The following KIF2A variants were observed in gnomAD, a reference collection of about 807,000 sequenced individuals.
KIF2A encodes the protein kinesin-like protein KIF2A.
In KIF2A, 22 loss-of-function variants were observed where a neutral mutation model predicts 100.2. That is an observed-to-expected ratio of 0.22 (90% CI 0.16 to 0.31). The LOEUF (loss-of-function observed/expected upper bound fraction) is 0.31. KIF2A is among the 10% of genes least tolerant of loss of function. KIF2A has a pLI of 1.00. For synonymous variants in KIF2A, 268 were observed against 285.9 expected, an observed-to-expected ratio of 0.94 and a Z score of 0.63; for missense variants, 495 against 898.7, an observed-to-expected ratio of 0.55 and a Z score of 5.74.
intron 20 of KIF2A, among the ~76,000 whole-genome samples, chr5:62,384,969 C>A (rs2112017621): frequency 6.6e-6 from 1 of 152,130 alleles, no homozygotes; most frequent in African/African-American, 2.4e-5. Flanking sequence ...ATGGTAAAAC[C>A]CCGTATCTAC....
chr5:62,335,748 A>G (rs1746910836), intron 1 of KIF2A, among the ~76,000 whole-genome samples: 1 of 152,326 alleles, frequency 6.6e-6, no homozygotes, highest in Admixed American at 6.5e-5. Flanking sequence ...TTTAATAAAA[A>G]ATTGAGAAAA....
At position 62,390,626 on chromosome 5, in the gene KIF2A, C is replaced by T. The variant is rs111269197; in HGVS notation, c.*5057C>T. Among the ~76,000 whole-genome samples the T allele has an allele frequency of 2.8e-4, 42 of 152,290 alleles. No individual in the cohort carries two copies. Among genetic ancestry groups the T allele is most frequent in the African/African-American group, 9.9e-4 (41 of 41,570 alleles). ...CCTGCACACCACATTGGAACCTGCA[C>T]ACCACATTAACACAAAGGCAATCTT... On this transcript the variant is annotated 3_prime_UTR_variant, in exon 21 of 21. Transcript: ENST00000407818.
At chr5:62,345,817 C>T (rs181493787) in intron 1 of KIF2A, among the ~76,000 whole-genome samples, 1 of 151,832 alleles carries the variant, frequency 6.6e-6, no homozygotes, top group South Asian at 2.1e-4. Context: ...TATAGATGCC[C>T]CCAAGGATTT....
chr5:62,380,048 C>T (rs4289514), intron 19 of KIF2A, among the ~76,000 whole-genome samples: 7,887 of 152,172 alleles, frequency 0.052, 285 homozygotes, highest in East Asian at 0.13. Context: ...TGTGCCATCA[C>T]GCCTGGCTAA....
At chr5:62,314,182 A>G (rs1291735235) in intron 1 of KIF2A, among the ~76,000 whole-genome samples, 1 of 151,980 alleles carries the variant, frequency 6.6e-6, no homozygotes, top group Non-Finnish European at 1.5e-5. Context: ...GTAAATAGAG[A>G]CTGGCTCGGT....
At chr5:62,328,779 A>C (rs1214063240) in intron 1 of KIF2A, among the ~76,000 whole-genome samples, 18 of 152,294 alleles carry the variant, frequency 1.2e-4, no homozygotes, top group South Asian at 2.1e-4. Flanking sequence ...GGCGTGAGCC[A>C]CCGTGCCCGG....
chr5:62,356,876 C>T (rs1379723135), intron 7 of KIF2A, among the ~76,000 whole-genome samples: 2 of 151,466 alleles, frequency 1.3e-5, no homozygotes, highest in Non-Finnish European at 2.9e-5. Flanking sequence ...ACCTCCACCT[C>T]CAGGGTTCAG....
chr5:62,348,127 C>A lies in KIF2A; in HGVS notation c.239C>A (p.Pro80Gln), dbSNP rs571500254. The A allele has an allele frequency of 6.2e-7, 1 of 1,613,828 alleles. No individual in the cohort carries two copies. Among genetic ancestry groups the A allele is most frequent in the South Asian group, 1.1e-5 (1 of 91,078 alleles). The part of the protein sequence containing the change: ...EEIEPSPETP[P>Q]PPASSAKVNK... ...ATTGAACCCAGTCCAGAAACACCTC[C>A]ACCTCCAGCATCCTCAGCCAAAGTA... Residue 80 changes from proline (P) to glutamine (Q), a missense_variant, in exon 3 of 21, where the codon CCA becomes CAA. Physicochemically the swap from Pro to Gln is moderately conservative, Grantham distance 76 (BLOSUM62 -1). Transcript: ENST00000407818.
At position 62,381,318 on chromosome 5, in the gene KIF2A, G is replaced by T. The variant is rs1204784827; in HGVS notation, c.2149+65G>T. The T allele has an allele frequency of 1.0e-5, 14 of 1,341,364 alleles. No individual in the cohort carries two copies. In the African/African-American group the frequency reaches 1.7e-4, roughly 17 times the overall value. The allele number at this position is 1,341,364 out of a possible 1,614,324, so 83.1% of individuals were successfully genotyped here. On this transcript the variant is annotated intron_variant, in intron 20 of 20. Transcript: ENST00000407818. ...TATTGGTATGTATATTGGTGAGAGGGCTTCTTCGTATTGCAAGAGGACATA... is the reference window on the plus strand; with the variant it reads ...TATTGGTATGTATATTGGTGAGAGGTCTTCTTCGTATTGCAAGAGGACATA...
chr5:62,377,788 AAAAT>A, intron 19 of KIF2A, 26 bp downstream of exon 19: 3 of 1,171,288 alleles, frequency 2.6e-6, no homozygotes, highest in Non-Finnish European at 3.7e-6. Context: ...ACTTTCCTTC[AAAAT>A]ATTTCTTGAG....
chr5:62,359,110 T>A (rs1474486027), intron 9 of KIF2A, among the ~76,000 whole-genome samples: 2 of 152,230 alleles, frequency 1.3e-5, no homozygotes, highest in African/African-American at 4.8e-5. Context: ...GTACATGAGA[T>A]TCTTGTATGT....
intron 1 of KIF2A, among the ~76,000 whole-genome samples, chr5:62,311,622 C>T (rs897814887): frequency 1.3e-5 from 2 of 152,096 alleles, no homozygotes; most frequent in Admixed American, 6.5e-5. Flanking sequence ...TTACACGTCA[C>T]TATATAGGCT....
rs570608250 is a variant in KIF2A, at chr5:62,387,413, A to ATGAT, written c.*1846_*1849dup. 3.0e-3 allele frequency: 456 copies of ATGAT among 152,290 alleles called. 3 individuals are homozygous for ATGAT. Among genetic ancestry groups the ATGAT allele is most frequent in the African/African-American group, 0.011 (450 of 41,522 alleles). The allele number at this position is 152,290 out of a possible 1,614,324, so 9.4% of individuals were successfully genotyped here. On this transcript the variant is annotated 3_prime_UTR_variant, in exon 21 of 21. Coordinates refer to ENST00000407818, the MANE Select transcript of KIF2A (RefSeq NM_001098511.3). ...ATTTGCTCATTTTAAAGCACAACAG[A>ATGAT]TGATTAGCTTCAAATTTATTATTTG...
chr5:62,335,653 A>G (rs955385209), intron 1 of KIF2A, among the ~76,000 whole-genome samples: 1 of 152,130 alleles, frequency 6.6e-6, no homozygotes, highest in Admixed American at 6.5e-5. Flanking sequence ...ATTCCTAGAG[A>G]TGGGCATTGC....
At chr5:62,382,932 T>TC (rs1224224020) in intron 20 of KIF2A, among the ~76,000 whole-genome samples, 1 of 145,790 alleles carries the variant, frequency 6.9e-6, no homozygotes, top group Non-Finnish European at 1.5e-5. Flanking sequence ...TGGCTTTGCT[T>TC]TTTTTTTTTT....
chr5:62,366,820 GA>G (rs1741094767), intron 16 of KIF2A, among the ~76,000 whole-genome samples: 1 of 147,354 alleles, frequency 6.8e-6, no homozygotes, highest in Non-Finnish European at 1.5e-5. Context: ...AACAGAGTGA[GA>G]CTCCGTCTCA....
chr5:62,313,011 C>T (rs1002885578), intron 1 of KIF2A, among the ~76,000 whole-genome samples: 9 of 148,072 alleles, frequency 6.1e-5, no homozygotes, highest in South Asian at 2.2e-4. Flanking sequence ...TCTTATGTTT[C>T]TTTTTTTTTT....
chr5:62,385,572 C>T lies in KIF2A; in HGVS notation c.*3C>T, dbSNP rs1357737197. 11 of 1,579,166 alleles carry T rather than the reference C, an allele frequency of 7.0e-6. No individual in the cohort carries two copies. The East Asian group carries it at 1.2e-4, about 17-fold the overall frequency. On this transcript the variant is annotated 3_prime_UTR_variant, in exon 21 of 21. Coordinates refer to ENST00000407818, the MANE Select transcript of KIF2A (RefSeq NM_001098511.3). The stretch of plus-strand genomic sequence containing the variant: ...CGAAGAGACCCCGTGCCCTTTAAAC[C>T]GGCATTTGCTGCTAAAGGATACCCA...
intron 15 of KIF2A, 51 bp from the exon 16 acceptor site, chr5:62,366,363 C>G: frequency 8.7e-7 from 1 of 1,153,036 alleles, no homozygotes; most frequent in Non-Finnish European, 1.3e-6. Flanking sequence ...GTATTATTGT[C>G]TTGATCATTT....
Sources: allele counts gnomAD v4.1 joint callset (sites outside exome capture counted in the v4.1 genomes callset), GRCh38; gene constraint gnomAD v4.1.1; transcripts MANE v1.5; gene names NCBI Gene and HGNC (gene_info 2026-07-23, HGNC 2026-07-21).